The following EPHA6 variants were observed in gnomAD, a reference collection of about 807,000 sequenced individuals.
EPHA6 encodes EPH receptor A6.
EPHA6 carries 50 observed loss-of-function variants against 112.0 expected under a neutral mutation model. That is an observed-to-expected ratio of 0.45 (90% CI 0.36 to 0.56). EPHA6 has a LOEUF of 0.56. EPHA6 is among the 20% of genes least tolerant of loss of function. The pLI, the probability that EPHA6 is intolerant of heterozygous loss-of-function variation, is 0.00. For synonymous variants in EPHA6, 529 were observed against 490.7 expected (o/e 1.08, Z -1.03); for missense variants, 1,280 against 1,417.4 (o/e 0.90, Z 1.56).
intron 1 of EPHA6, among the ~76,000 whole-genome samples, chr3:96,847,883 A>G (rs2035164637): frequency 6.6e-6 from 1 of 152,106 alleles, no homozygotes; most frequent in Non-Finnish European, 1.5e-5. Context: ...CATTATCAGT[A>G]GCTTATTAGA....
At chr3:96,930,652 G>C (rs2040265933) in intron 2 of EPHA6, among the ~76,000 whole-genome samples, 1 of 152,012 alleles carries the variant, frequency 6.6e-6, no homozygotes, top group Non-Finnish European at 1.5e-5. Context: ...ACCCGAACTG[G>C]GAGGCCTCAC....
At chr3:97,040,416 A>G (rs1352722189) in intron 3 of EPHA6, among the ~76,000 whole-genome samples, 1 of 152,040 alleles carries the variant, frequency 6.6e-6, no homozygotes, top group East Asian at 1.9e-4. Context: ...CTGAGATTTC[A>G]TATCAAAATC....
intron 3 of EPHA6, among the ~76,000 whole-genome samples, chr3:97,076,390 G>A (rs573130113): frequency 6.6e-6 from 1 of 152,140 alleles, no homozygotes; most frequent in Non-Finnish European, 1.5e-5. Flanking sequence ...TTCAGAGAAA[G>A]ACACTAATTC....
At chr3:97,475,604 T>A (rs1462238995) in intron 8 of EPHA6, 144 bp downstream of exon 8, 1 of 561,842 alleles carries the variant, frequency 1.8e-6, no homozygotes, top group African/African-American at 1.9e-5. Flanking sequence ...CAGTGAACCA[T>A]CATTAGTTCT....
At chr3:97,010,272 C>CAT (rs2044038120) in intron 3 of EPHA6, 1 of 386,066 alleles carries the variant, frequency 2.6e-6, no homozygotes, top group South Asian at 2.4e-5. Flanking sequence ...ATTGGCAGAC[C>CAT]ATAGCCTGAT....
At chr3:97,219,140 T>C (rs991910256) in intron 3 of EPHA6, among the ~76,000 whole-genome samples, 1 of 152,124 alleles carries the variant, frequency 6.6e-6, no homozygotes. Flanking sequence ...GCTGCTTTTA[T>C]GGGCTGGCAT....
chr3:97,091,812 G>C (rs1053272906), intron 3 of EPHA6, among the ~76,000 whole-genome samples: 1 of 152,066 alleles, frequency 6.6e-6, no homozygotes, highest in Admixed American at 6.6e-5. Flanking sequence ...CTCTCAGTCT[G>C]GTGGTATCTT....
intron 5 of EPHA6, among the ~76,000 whole-genome samples, chr3:97,325,794 C>G (rs1217404804): frequency 6.6e-6 from 1 of 152,022 alleles, no homozygotes; most frequent in African/African-American, 2.4e-5. Flanking sequence ...CTATCCTATG[C>G]CTAGTTACGT....
chr3:97,462,409 G>T (rs2090920524), intron 7 of EPHA6, among the ~76,000 whole-genome samples: 1 of 152,118 alleles, frequency 6.6e-6, no homozygotes, highest in Admixed American at 6.6e-5. Flanking sequence ...TTAAAAAGAA[G>T]AAGAATGTAA....
chr3:97,394,608 G>C (rs1038977942), intron 5 of EPHA6, among the ~76,000 whole-genome samples: 1 of 151,530 alleles, frequency 6.6e-6, no homozygotes, highest in African/African-American at 2.4e-5. Context: ...TTGTTAAATG[G>C]GCAAAATATC....
At chr3:97,410,769 T>C (rs548049286) in intron 6 of EPHA6, among the ~76,000 whole-genome samples, 1 of 152,178 alleles carries the variant, frequency 6.6e-6, no homozygotes, top group African/African-American at 2.4e-5. Flanking sequence ...AGCATTCCTC[T>C]GAGTTGTCAG....
chr3:97,739,612 C>A (rs1207486465), intron 16 of EPHA6, among the ~76,000 whole-genome samples: 1 of 152,098 alleles, frequency 6.6e-6, no homozygotes, highest in African/African-American at 2.4e-5. Flanking sequence ...ACATGTTGGT[C>A]ATAGAAGGCT....
intron 7 of EPHA6, among the ~76,000 whole-genome samples, chr3:97,468,501 T>G (rs1340567801): frequency 6.6e-6 from 1 of 151,462 alleles, no homozygotes; most frequent in Non-Finnish European, 1.5e-5. Context: ...TTTGAGTAGA[T>G]AGCATCAAAT....
intron 3 of EPHA6, among the ~76,000 whole-genome samples, chr3:97,188,364 A>C (rs2077212821): frequency 6.6e-6 from 1 of 152,054 alleles, no homozygotes; most frequent in South Asian, 2.1e-4. Flanking sequence ...TAAAGTAGAC[A>C]TTAAATTTTA....
chr3:97,618,498 A>G (rs2093784952), intron 13 of EPHA6, among the ~76,000 whole-genome samples: 1 of 152,112 alleles, frequency 6.6e-6, no homozygotes, highest in African/African-American at 2.4e-5. Context: ...TTATTTAAAA[A>G]TTGATAAAAT....
At chr3:97,697,749 C>T (rs1039569533) in intron 14 of EPHA6, among the ~76,000 whole-genome samples, 1 of 152,108 alleles carries the variant, frequency 6.6e-6, no homozygotes, top group Non-Finnish European at 1.5e-5. Context: ...GGATGTGGCA[C>T]ATTGTGGGTC....
chr3:97,570,772 G>A (rs1251201753), intron 11 of EPHA6, among the ~76,000 whole-genome samples: 2 of 152,004 alleles, frequency 1.3e-5, no homozygotes, highest in Admixed American at 1.3e-4. Context: ...GTTAAACCAT[G>A]ACATTACAAC....
intron 5 of EPHA6, among the ~76,000 whole-genome samples, chr3:97,378,281 C>G (rs539843777): frequency 1.3e-5 from 2 of 152,150 alleles, no homozygotes; most frequent in Non-Finnish European, 2.9e-5. Flanking sequence ...TGTAGGTGCA[C>G]AGAGTCAAGA....
At chr3:97,662,709 A>G (rs1250778362) in intron 14 of EPHA6, among the ~76,000 whole-genome samples, 1 of 152,234 alleles carries the variant, frequency 6.6e-6, no homozygotes, top group Non-Finnish European at 1.5e-5. Context: ...CCTAGCATCT[A>G]CTGTTAACAA....
Sources: allele counts gnomAD v4.1 joint callset (sites outside exome capture counted in the v4.1 genomes callset), GRCh38; gene constraint gnomAD v4.1.1; transcripts MANE v1.5; gene names NCBI Gene and HGNC (gene_info 2026-07-23, HGNC 2026-07-21).